ARNT2: variants seen among roughly 807,000 people sequenced by gnomAD.
ARNT2 encodes the protein aryl hydrocarbon receptor nuclear translocator 2.
In ARNT2, 36 loss-of-function variants were observed where a neutral mutation model predicts 91.7. That is an observed-to-expected ratio of 0.39 (90% CI 0.30 to 0.52). The LOEUF is 0.52. Ranked by LOEUF, ARNT2 falls within the 20% of genes least tolerant of loss-of-function variation. The probability of loss-of-function intolerance (pLI) is 0.72; values close to 1 mark genes in which losing one functional copy is unlikely to be tolerated. For synonymous variants in ARNT2, 365 were observed against 347.1 expected (o/e 1.05, Z -0.57); for missense variants, 775 against 939.3 (o/e 0.83, Z 2.29).
At chr15:80,521,455 G>A (rs1166050950) in intron 8 of ARNT2, among the ~76,000 whole-genome samples, 4 of 151,982 alleles carry the variant, frequency 2.6e-5, no homozygotes, top group Admixed American at 1.3e-4. Context: ...AGCAAATACC[G>A]ATAGTGTATT....
At chr15:80,426,058 C>CGAAAAGAAAAGAAAAGAAAA (rs142134604) in intron 1 of ARNT2, among the ~76,000 whole-genome samples, 4,187 of 149,702 alleles carry the variant, frequency 0.028, 90 homozygotes, top group Non-Finnish European at 0.034. Flanking sequence ...AAGACTGTCT[C>CGAAAAGAAAAGAAAAGAAAA]GAAAAGAAAA....
intron 8 of ARNT2, among the ~76,000 whole-genome samples, chr15:80,543,001 A>G (rs1375917050): frequency 6.7e-6 from 1 of 148,802 alleles, no homozygotes; most frequent in Non-Finnish European, 1.5e-5. Context: ...GGAGGCAGAC[A>G]TGGAAGGATG....
intron 1 of ARNT2, among the ~76,000 whole-genome samples, chr15:80,436,832 G>A (rs1410733856): frequency 6.6e-6 from 1 of 152,194 alleles, no homozygotes; most frequent in Non-Finnish European, 1.5e-5. Flanking sequence ...GAAGGCCAGG[G>A]TATCTGTGAG....
chr15:80,546,212 G>A (rs1303586308), intron 8 of ARNT2, among the ~76,000 whole-genome samples: 2 of 152,162 alleles, frequency 1.3e-5, no homozygotes, highest in East Asian at 1.9e-4. Context: ...TGTAAGCAAG[G>A]ACTCCTTCTC....
At chr15:80,453,566 A>G (rs1425616900) in intron 2 of ARNT2, among the ~76,000 whole-genome samples, 1 of 152,222 alleles carries the variant, frequency 6.6e-6, no homozygotes, top group Non-Finnish European at 1.5e-5. Context: ...AGCTCATGAT[A>G]ATAGCTCCTT....
At chr15:80,518,810 C>T (rs574638575) in intron 8 of ARNT2, among the ~76,000 whole-genome samples, 20 of 152,158 alleles carry the variant, frequency 1.3e-4, no homozygotes, top group South Asian at 4.2e-4. Flanking sequence ...TCCTCTTTTC[C>T]GTAGGTGAGA....
chr15:80,495,287 T>C (rs1897111229), intron 5 of ARNT2, among the ~76,000 whole-genome samples: 1 of 152,216 alleles, frequency 6.6e-6, no homozygotes, highest in African/African-American at 2.4e-5. Context: ...GTGAACATTA[T>C]TGTTGCTGCC....
At chr15:80,406,484 A>G (rs1464113580) in intron 1 of ARNT2, among the ~76,000 whole-genome samples, 1 of 152,222 alleles carries the variant, frequency 6.6e-6, no homozygotes, top group Non-Finnish European at 1.5e-5. Flanking sequence ...TCCAATATAC[A>G]CTGGGAACAG....
Position 80,597,442 on chromosome 15 carries a change from CA to C in ARNT2, c.*3745del. On this transcript the variant is annotated 3_prime_UTR_variant, in exon 19 of 19. Transcript: ENST00000303329. ...CGGGGTCATTCCCCACCAAACACCCCATACTAAGGAGCCATGAGCCACCTGG... is the reference window on the plus strand; with the variant it reads ...CGGGGTCATTCCCCACCAAACACCCCTACTAAGGAGCCATGAGCCACCTGG... The C allele has an allele frequency of 2.9e-6, 1 of 350,062 alleles. No homozygotes were observed. The highest frequency in any genetic ancestry group is 5.7e-6 in the Non-Finnish European group (1 of 176,316). The allele number at this position is 350,062 out of a possible 1,614,324, so 21.7% of individuals were successfully genotyped here. A position where few individuals can be genotyped will look rare whatever the true frequency, so the allele number is the denominator to read the frequency against.
At position 80,404,434 on chromosome 15, in the gene ARNT2, C is replaced by A; in HGVS notation, c.-82C>A. 1.0e-6 allele frequency: 1 copy of A among 986,270 alleles called. No individual in the cohort carries two copies. Among genetic ancestry groups the A allele is most frequent in the Non-Finnish European group, 1.3e-6 (1 of 798,110 alleles). 61.1% of individuals were successfully genotyped at this position (986,270 alleles called of 1,614,324 possible). Reference sequence around the variant, plus strand: ...GGCGGCGGCGGCGCCTGGGCCTGACCGGGTCCCCGGGGCTGAGCGCCGGGC... The same window carrying A: ...GGCGGCGGCGGCGCCTGGGCCTGACAGGGTCCCCGGGGCTGAGCGCCGGGC... On this transcript the variant is annotated 5_prime_UTR_variant, in exon 1 of 19. Coordinates refer to ENST00000303329, the MANE Select transcript of ARNT2 (RefSeq NM_014862.4). The surrounding 1 kb of genome is among the most constrained non-coding windows in gnomAD (Gnocchi z 5.5).
chr15:80,516,155 G>A (rs370346020), intron 8 of ARNT2, among the ~76,000 whole-genome samples: 65 of 152,302 alleles, frequency 4.3e-4, no homozygotes, highest in Non-Finnish European at 8.5e-4. Context: ...ACAGGCGTGA[G>A]CCACCGCACC....
intron 1 of ARNT2, among the ~76,000 whole-genome samples, chr15:80,439,211 A>C (rs1896146692): frequency 6.6e-6 from 1 of 152,178 alleles, no homozygotes; most frequent in African/African-American, 2.4e-5. Context: ...TTTACATTTG[A>C]AAGTGAACAT....
At chr15:80,514,703 AG>A (rs1897404635) in intron 8 of ARNT2, among the ~76,000 whole-genome samples, 1 of 152,144 alleles carries the variant, frequency 6.6e-6, no homozygotes, top group South Asian at 2.1e-4. Flanking sequence ...TGGCTAACAC[AG>A]TGAAATCCTG....
chr15:80,581,151 C>A (rs766904460), intron 16 of ARNT2, 88 bp from the exon 17 acceptor site: 1 of 1,501,880 alleles, frequency 6.7e-7, no homozygotes, highest in South Asian at 1.2e-5. Flanking sequence ...AGAGCAGGCA[C>A]TGCCCCTGCG....
At chr15:80,406,389 A>G (rs1250892613) in intron 1 of ARNT2, among the ~76,000 whole-genome samples, 2 of 152,218 alleles carry the variant, frequency 1.3e-5, no homozygotes, top group African/African-American at 4.8e-5. Flanking sequence ...AACCCATTCA[A>G]CTACTTCAAA....
chr15:80,432,982 GT>G (rs1378428521), intron 1 of ARNT2, among the ~76,000 whole-genome samples: 2 of 152,070 alleles, frequency 1.3e-5, no homozygotes, highest in African/African-American at 2.4e-5. Context: ...CATTTTTACT[GT>G]TTTGCATATA....
At chr15:80,502,702 G>A (rs1381418645) in intron 5 of ARNT2, among the ~76,000 whole-genome samples, 2 of 152,174 alleles carry the variant, frequency 1.3e-5, no homozygotes, top group Admixed American at 6.5e-5. Flanking sequence ...ACTGAGGCAG[G>A]GAGTTGAGTT....
chr15:80,454,851 T>C (rs1407805926), intron 2 of ARNT2, among the ~76,000 whole-genome samples: 2 of 152,236 alleles, frequency 1.3e-5, no homozygotes, highest in African/African-American at 2.4e-5. Flanking sequence ...ATGCTTATCA[T>C]GGCTTTCTGT....
chr15:80,552,791 G>A lies in ARNT2; in HGVS notation c.1089+17G>A. 6 of 1,611,424 alleles carry A rather than the reference G, an allele frequency of 3.7e-6. No homozygotes were observed. Among genetic ancestry groups the A allele is most frequent in the Non-Finnish European group, 5.1e-6 (6 of 1,178,218 alleles). On this transcript the variant is annotated intron_variant, in intron 10 of 18. Transcript: ENST00000303329. ...CAACCCCAGGTGAGTAGATAGTTTTGAGCCTATGGCAATTGACTAGAGATT... is the reference window on the plus strand; with the variant it reads ...CAACCCCAGGTGAGTAGATAGTTTTAAGCCTATGGCAATTGACTAGAGATT...
Sources: gnomAD v4.1 joint callset for allele counts (sites outside exome capture counted in the v4.1 genomes callset) on GRCh38, gnomAD v4.1.1 for gene constraint, Gnocchi (gnomAD v3.1) non-coding constraint, MANE v1.5 for transcripts, NCBI Gene and HGNC (gene_info 2026-07-23, HGNC 2026-07-21) for gene names.